RELCH: variants seen among roughly 807,000 people sequenced by gnomAD.
RELCH encodes RAB11-binding protein RELCH.
RELCH carries 41 observed loss-of-function variants against 150.3 expected under a neutral mutation model. That is an observed-to-expected ratio of 0.27 (90% CI 0.21 to 0.35). The LOEUF is 0.35. Ranked by LOEUF, RELCH falls within the 10% of genes least tolerant of loss-of-function variation. The pLI, the probability that RELCH is intolerant of heterozygous loss-of-function variation, is 1.00. For missense variants in RELCH, 1,092 were observed against 1,467.8 expected, an observed-to-expected ratio of 0.74 and a Z score of 4.18; for synonymous variants, 478 against 531.8, an observed-to-expected ratio of 0.90 and a Z score of 1.39.
intron 28 of RELCH, among the ~76,000 whole-genome samples, chr18:62,302,607 G>A (rs1298024333): frequency 2.6e-5 from 4 of 151,954 alleles, no homozygotes; most frequent in East Asian, 1.9e-4. Context: ...TGCAACCTCC[G>A]CCTCCCAGGT....
intron 16 of RELCH, among the ~76,000 whole-genome samples, chr18:62,263,003 C>G (rs1450838115): frequency 6.6e-6 from 1 of 151,956 alleles, no homozygotes; most frequent in Admixed American, 6.6e-5. Context: ...CAAACCTTGC[C>G]TTTATCTTCA....
chr18:62,240,786 T>A (rs527950604), intron 10 of RELCH, among the ~76,000 whole-genome samples: 212 of 152,112 alleles, frequency 1.4e-3, no homozygotes, highest in Non-Finnish European at 2.5e-3. Context: ...CAAATCATGT[T>A]TTAAAATATT....
chr18:62,280,281 C>T, intron 23 of RELCH: 1 of 1,153,112 alleles, frequency 8.7e-7, no homozygotes. Flanking sequence ...AGTCTGCCTG[C>T]CCATCCTCAG....
At chr18:62,237,130 C>A (rs186692796) in intron 10 of RELCH, among the ~76,000 whole-genome samples, 2 of 151,766 alleles carry the variant, frequency 1.3e-5, no homozygotes, top group Admixed American at 1.3e-4. Flanking sequence ...TTCTTAATTT[C>A]ATTCTGTTGT....
At chr18:62,240,413 T>C (rs2042088438) in intron 10 of RELCH, among the ~76,000 whole-genome samples, 2 of 148,306 alleles carry the variant, frequency 1.3e-5, no homozygotes, top group South Asian at 2.1e-4. Flanking sequence ...TTTTTCTTTT[T>C]CTTTTTTTTT....
intron 1 of RELCH, among the ~76,000 whole-genome samples, chr18:62,205,225 G>A (rs571400373): frequency 2.0e-5 from 3 of 152,246 alleles, no homozygotes; most frequent in African/African-American, 7.2e-5. Flanking sequence ...AGGTTTTGAG[G>A]TAATATTTAA....
At chr18:62,225,330 T>C (rs2041141517) in intron 5 of RELCH, among the ~76,000 whole-genome samples, 1 of 151,994 alleles carries the variant, frequency 6.6e-6, no homozygotes, top group East Asian at 1.9e-4. Flanking sequence ...AGCATGATGT[T>C]CTCTGTCAGA....
chr18:62,220,907 T>G, intron 2 of RELCH, 130 bp from the exon 3 acceptor site: 2 of 768,420 alleles, frequency 2.6e-6, no homozygotes, highest in Non-Finnish European at 2.2e-6. Flanking sequence ...TTCATAAAGA[T>G]TGCATGCTTT....
At chr18:62,266,206 TGAAAAGTTG>T (rs2043553153) in intron 18 of RELCH, among the ~76,000 whole-genome samples, 3 of 152,082 alleles carry the variant, frequency 2.0e-5, no homozygotes, top group Non-Finnish European at 4.4e-5. Flanking sequence ...TATTTCAATT[TGAAAAGTTG>T]TAATAAAAGA....
chr18:62,192,898 G>GT (rs2038754297), intron 1 of RELCH, among the ~76,000 whole-genome samples: 1 of 152,156 alleles, frequency 6.6e-6, no homozygotes, highest in Admixed American at 6.6e-5. Flanking sequence ...AATTTTAAAA[G>GT]TTTTTTCTAA....
chr18:62,258,371 C>A, intron 14 of RELCH, 141 bp from the exon 15 acceptor site: 1 of 755,924 alleles, frequency 1.3e-6, no homozygotes, highest in Non-Finnish European at 2.1e-6. Flanking sequence ...GGATACATGG[C>A]AAGGCTAGGA....
chr18:62,187,482 C>G lies in RELCH; in HGVS notation c.-24C>G. 2 of 1,498,440 alleles carry G rather than the reference C, an allele frequency of 1.3e-6. No homozygotes were observed. Among genetic ancestry groups the G allele is most frequent in the African/African-American group, 2.8e-5 (2 of 71,518 alleles). 92.8% of individuals were successfully genotyped at this position (1,498,440 alleles called of 1,614,324 possible). On this transcript the variant is annotated 5_prime_UTR_variant, in exon 1 of 29. Coordinates refer to ENST00000644646, the MANE Select transcript of RELCH (RefSeq NM_001346231.2). ...GGCCCGTCGGAACCAGTCAGGGAGG[C>G]GCCCACACTCCTGACAGGATAAGAT...
At chr18:62,231,610 CTA>C (rs2041583984) in intron 9 of RELCH, among the ~76,000 whole-genome samples, 1 of 151,842 alleles carries the variant, frequency 6.6e-6, no homozygotes, top group Non-Finnish European at 1.5e-5. Context: ...TTAAATTACT[CTA>C]TTATTTTCAT....
intron 22 of RELCH, among the ~76,000 whole-genome samples, chr18:62,276,432 T>A (rs1214683264): frequency 1.3e-5 from 2 of 152,178 alleles, no homozygotes; most frequent in Non-Finnish European, 2.9e-5. Context: ...AGTGCTTATA[T>A]GTTTACTGTC....
chr18:62,281,792 A>G (rs896278627), intron 24 of RELCH, among the ~76,000 whole-genome samples: 4 of 152,314 alleles, frequency 2.6e-5, no homozygotes, highest in African/African-American at 9.6e-5. Flanking sequence ...TATATATTTC[A>G]CTGGTGAAGC....
intron 1 of RELCH, among the ~76,000 whole-genome samples, chr18:62,194,576 G>C (rs1458491470): frequency 3.3e-5 from 5 of 152,172 alleles, no homozygotes; most frequent in Non-Finnish European, 4.4e-5. Context: ...GCTCAGTACT[G>C]TATTTGGAAG....
intron 12 of RELCH, among the ~76,000 whole-genome samples, chr18:62,255,112 T>G (rs1163330245): frequency 6.6e-6 from 1 of 152,144 alleles, no homozygotes; most frequent in East Asian, 1.9e-4. Flanking sequence ...TGGTTTCTCC[T>G]GTTACTCTAA....
At chr18:62,251,086 C>T (rs555685114) in intron 11 of RELCH, among the ~76,000 whole-genome samples, 1 of 152,134 alleles carries the variant, frequency 6.6e-6, no homozygotes, top group South Asian at 2.1e-4. Context: ...TTTTTAGTTA[C>T]AAATCTATCA....
chr18:62,302,367 A>G (rs1023166898), intron 28 of RELCH, among the ~76,000 whole-genome samples: 8 of 152,208 alleles, frequency 5.3e-5, no homozygotes, highest in Non-Finnish European at 1.0e-4. Flanking sequence ...TGGTAGATAA[A>G]TGATATCACT....
Sources: allele counts gnomAD v4.1 joint callset (sites outside exome capture counted in the v4.1 genomes callset), GRCh38; gene constraint gnomAD v4.1.1; transcripts MANE v1.5; gene names NCBI Gene and HGNC (gene_info 2026-07-23, HGNC 2026-07-21).